TSHZ2: variants seen among roughly 807,000 people sequenced by gnomAD.
TSHZ2 encodes teashirt zinc finger homeobox 2.
In TSHZ2, 21 loss-of-function variants were observed where a neutral mutation model predicts 74.4. The observed-to-expected ratio is 0.28, with a 90% confidence interval of 0.20 to 0.41. The LOEUF (loss-of-function observed/expected upper bound fraction) is 0.41, where lower values mean the gene tolerates loss of function less well. TSHZ2 is among the 10% of genes least tolerant of loss of function. The pLI, the probability that TSHZ2 is intolerant of heterozygous loss-of-function variation, is 1.00. For synonymous variants in TSHZ2, 540 were observed against 515.3 expected (o/e 1.05, Z -0.65); for missense variants, 1,244 against 1,293.5 (o/e 0.96, Z 0.59).
At chr20:53,461,581 AAT>A (rs1568928752) in intron 2 of TSHZ2, 1 of 152,236 alleles carries the variant, frequency 6.6e-6, no homozygotes, top group Non-Finnish European at 1.5e-5. Context: ...GTCACAGTTG[AAT>A]ATGTTTTTCA....
intron 2 of TSHZ2, among the ~76,000 whole-genome samples, chr20:53,382,825 T>C (rs1465763184): frequency 6.6e-6 from 1 of 152,232 alleles, no homozygotes; most frequent in African/African-American, 2.4e-5. Context: ...GACAGAGTCC[T>C]GTGGCTTGGG....
intron 2 of TSHZ2, among the ~76,000 whole-genome samples, chr20:53,391,146 TTTTGTTTTGGTTTGG>T (rs532332885): frequency 6.7e-6 from 1 of 150,090 alleles, no homozygotes; most frequent in Non-Finnish European, 1.5e-5. Flanking sequence ...TTTTGTTTTG[TTTTGTTTTGGTTTGG>T]TTTGAGACAG....
rs1313436947 is a variant in TSHZ2, at chr20:53,489,622, C to T, written c.*2487C>T. 3.1e-5 allele frequency: 5 copies of T among 160,898 alleles called. No homozygotes were observed. The South Asian group carries it at 8.8e-4, about 28-fold the overall frequency. 10.0% of individuals were successfully genotyped at this position (160,898 alleles called of 1,614,324 possible). On this transcript the variant is annotated 3_prime_UTR_variant, in exon 3 of 3. Coordinates refer to ENST00000371497, the MANE Select transcript of TSHZ2 (RefSeq NM_173485.6). ...GGAAGAAAAAATAAATCATCTGCTTCAACATATAATCGATATGGTTTTGTT... is the reference window on the plus strand; with the variant it reads ...GGAAGAAAAAATAAATCATCTGCTTTAACATATAATCGATATGGTTTTGTT...
chr20:53,021,144 C>A (rs1983231519), intron 1 of TSHZ2, among the ~76,000 whole-genome samples: 1 of 152,160 alleles, frequency 6.6e-6, no homozygotes. Flanking sequence ...CTTTCCCAGC[C>A]CTTCCCCTAA....
chr20:52,975,887 T>A (rs997797737), intron 1 of TSHZ2, among the ~76,000 whole-genome samples: 2 of 152,198 alleles, frequency 1.3e-5, no homozygotes, highest in Non-Finnish European at 2.9e-5. Flanking sequence ...TCTAAGATTA[T>A]GGCCATACTA....
At chr20:53,252,554 C>T (rs1353815352) in intron 1 of TSHZ2, among the ~76,000 whole-genome samples, 3 of 152,220 alleles carry the variant, frequency 2.0e-5, no homozygotes, top group Non-Finnish European at 4.4e-5. Flanking sequence ...ATTCCCTTTG[C>T]ACTGGCTCAC....
intron 1 of TSHZ2, among the ~76,000 whole-genome samples, chr20:53,100,211 G>A (rs537662448): frequency 6.6e-6 from 1 of 152,246 alleles, no homozygotes; most frequent in African/African-American, 2.4e-5. Flanking sequence ...CGTGGACTCT[G>A]ATTCTGTGCC....
intron 1 of TSHZ2, among the ~76,000 whole-genome samples, chr20:53,068,726 G>T (rs1415158534): frequency 6.6e-6 from 1 of 152,118 alleles, no homozygotes; most frequent in African/African-American, 2.4e-5. Context: ...TGCTAAATTA[G>T]ATTACAGTAT....
At chr20:53,285,824 G>A (rs192287191) in intron 2 of TSHZ2, among the ~76,000 whole-genome samples, 4 of 152,252 alleles carry the variant, frequency 2.6e-5, no homozygotes, top group South Asian at 4.2e-4. Flanking sequence ...TTTCCACAAA[G>A]GATCTGTCAG....
chr20:53,091,303 A>G (rs1985879199), intron 1 of TSHZ2, among the ~76,000 whole-genome samples: 1 of 152,226 alleles, frequency 6.6e-6, no homozygotes, highest in South Asian at 2.1e-4. Context: ...TGAAAGAAGT[A>G]CATCTATGCT....
chr20:53,038,709 G>A (rs1333605424), intron 1 of TSHZ2, among the ~76,000 whole-genome samples: 1 of 152,032 alleles, frequency 6.6e-6, no homozygotes, highest in Non-Finnish European at 1.5e-5. Flanking sequence ...TTTAATGAGG[G>A]TCTACCTGTA....
intron 1 of TSHZ2, among the ~76,000 whole-genome samples, chr20:53,139,532 G>T (rs1463555477): frequency 6.6e-6 from 1 of 152,108 alleles, no homozygotes; most frequent in East Asian, 1.9e-4. Context: ...TTCATTCCCT[G>T]AATTCCCACT....
intron 2 of TSHZ2, among the ~76,000 whole-genome samples, chr20:53,404,543 A>G (rs1010408561): frequency 6.6e-6 from 1 of 151,928 alleles, no homozygotes; most frequent in Non-Finnish European, 1.5e-5. Context: ...GGTTTCTCCT[A>G]CTCTCTGGTT....
rs183573051 is a variant in TSHZ2, at chr20:53,138,481, G to A, written c.41-115018G>A. Among the ~76,000 whole-genome samples, 694 of 151,534 alleles carry A rather than the reference G, an allele frequency of 4.6e-3. 6 individuals are homozygous for A. The highest frequency in any genetic ancestry group is 5.7e-3 in the Non-Finnish European group (387 of 67,976). The stretch of plus-strand genomic sequence containing the variant: ...GTCTGCCTATTCTCCCTCCACACAA[G>A]CTTTTCAACCAGGGCTTTTCTCTCA... On this transcript the variant is annotated intron_variant, in intron 1 of 2. Transcript: ENST00000371497.
intron 2 of TSHZ2, among the ~76,000 whole-genome samples, chr20:53,330,420 G>C (rs1002159678): frequency 1.3e-5 from 2 of 152,174 alleles, no homozygotes; most frequent in Admixed American, 1.3e-4. Context: ...TTAACGTTAA[G>C]AGTGATAATA....
At chr20:53,204,245 A>G (rs1750486514) in intron 1 of TSHZ2, among the ~76,000 whole-genome samples, 1 of 145,910 alleles carries the variant, frequency 6.9e-6, no homozygotes, top group Non-Finnish European at 1.5e-5. Flanking sequence ...ATGATACTAT[A>G]TCATCATATG....
chr20:53,024,035 G>A (rs1194661743), intron 1 of TSHZ2, among the ~76,000 whole-genome samples: 1 of 151,768 alleles, frequency 6.6e-6, no homozygotes, highest in Non-Finnish European at 1.5e-5. Flanking sequence ...ATAAAGGGGA[G>A]GTCATTTTTT....
intron 2 of TSHZ2, among the ~76,000 whole-genome samples, chr20:53,470,730 T>C (rs1600666272): frequency 1.3e-5 from 2 of 152,188 alleles, no homozygotes; most frequent in Middle Eastern, 6.8e-3. Context: ...AGAGAATCGC[T>C]TGAACCCGGG....
chr20:53,404,190 G>A (rs16998060), intron 2 of TSHZ2, among the ~76,000 whole-genome samples: 13,879 of 152,080 alleles, frequency 0.091, 1,633 homozygotes, highest in African/African-American at 0.27. Flanking sequence ...ATGGGAAAAC[G>A]TGCATTGCAG....
Sources: allele counts gnomAD v4.1 joint callset (sites outside exome capture counted in the v4.1 genomes callset), GRCh38; gene constraint gnomAD v4.1.1; transcripts MANE v1.5; gene names NCBI Gene and HGNC (gene_info 2026-07-23, HGNC 2026-07-21).